Variants in LIPA observed in about 807,000 individuals in gnomAD.
LIPA encodes lipase A, lysosomal acid type.
LIPA carries 26 observed loss-of-function variants against 40.6 expected under a neutral mutation model. The ratio of observed to expected loss-of-function variants is 0.64; its 90% CI spans 0.47 to 0.89. The LOEUF is 0.89. LIPA is among the 40% of genes least tolerant of loss of function. The probability of loss-of-function intolerance (pLI) is 0.00; values close to 1 mark genes in which losing one functional copy is unlikely to be tolerated. For synonymous variants in LIPA, 188 were observed against 168.4 expected, an observed-to-expected ratio of 1.12 and a Z score of -0.90; for missense variants, 455 against 479.6, an observed-to-expected ratio of 0.95 and a Z score of 0.48.
intron 1 of LIPA, among the ~76,000 whole-genome samples, chr10:89,332,956 C>T (rs1465883914): frequency 6.6e-6 from 1 of 152,094 alleles, no homozygotes; most frequent in African/African-American, 2.4e-5. Flanking sequence ...GGTTCTGGTT[C>T]GTCTTTTGTT....
At chr10:89,260,543 C>A (rs186296664) in intron 1 of LIPA, among the ~76,000 whole-genome samples, 4 of 152,302 alleles carry the variant, frequency 2.6e-5, no homozygotes, top group Middle Eastern at 3.4e-3. Flanking sequence ...CAGGGGGCAG[C>A]AGTTCCCCAG....
rs1356849601 is a variant in LIPA, at chr10:89,352,694, C to A, written c.61+60097G>T. On this transcript the variant is annotated intron_variant, in intron 2 of 8. Transcript: ENST00000371837. ...ATGGAAGGAAAATAAATCTTGGGAC[C>A]CCCAAGTCACTAAGCCAAAGGGAAA... Among the ~76,000 whole-genome samples the A allele has an allele frequency of 3.3e-5, 5 of 151,600 alleles. No individual in the cohort carries two copies. The East Asian group carries it at 5.8e-4, about 18-fold the overall frequency.
intron 1 of LIPA, among the ~76,000 whole-genome samples, chr10:89,249,682 T>C (rs1395200091): frequency 2.0e-5 from 3 of 151,592 alleles, no homozygotes; most frequent in Non-Finnish European, 2.9e-5. Context: ...CTCCACAAAA[T>C]GCAGTCTAAT....
At chr10:89,266,951 G>A (rs1041242307) in intron 1 of LIPA, among the ~76,000 whole-genome samples, 2 of 152,260 alleles carry the variant, frequency 1.3e-5, no homozygotes, top group African/African-American at 4.8e-5. Context: ...TATTCCTGAA[G>A]TGTATCTAGT....
At chr10:89,265,458 A>G (rs2040206553) in intron 1 of LIPA, among the ~76,000 whole-genome samples, 1 of 152,240 alleles carries the variant, frequency 6.6e-6, no homozygotes, top group Non-Finnish European at 1.5e-5. Context: ...AGAATCAGTA[A>G]ACATATCCTT....
intron 1 of LIPA, among the ~76,000 whole-genome samples, chr10:89,276,468 G>A (rs757452423): frequency 1.3e-5 from 2 of 152,152 alleles, no homozygotes; most frequent in Non-Finnish European, 2.9e-5. Context: ...TACAGTATTG[G>A]TTAACTATAA....
chr10:89,400,724 T>A (rs1358769571), intron 2 of LIPA, among the ~76,000 whole-genome samples: 1 of 152,246 alleles, frequency 6.6e-6, no homozygotes, highest in Non-Finnish European at 1.5e-5. Flanking sequence ...TAATCTTACT[T>A]CTTCCTTTCC....
At chr10:89,240,795 A>T (rs921640862) in intron 3 of LIPA, among the ~76,000 whole-genome samples, 2 of 152,150 alleles carry the variant, frequency 1.3e-5, no homozygotes, top group African/African-American at 4.8e-5. Flanking sequence ...GCCCAGGAGT[A>T]GGAAATCCTT....
At chr10:89,280,674 C>G (rs145298231) in intron 1 of LIPA, among the ~76,000 whole-genome samples, 2 of 152,162 alleles carry the variant, frequency 1.3e-5, no homozygotes, top group Non-Finnish European at 2.9e-5. Context: ...ATTTATGTGT[C>G]GGTTGGAAGT....
chr10:89,370,075 C>T (rs943730146), intron 2 of LIPA, among the ~76,000 whole-genome samples: 1 of 152,208 alleles, frequency 6.6e-6, no homozygotes, highest in African/African-American at 2.4e-5. Flanking sequence ...TGATATGAAG[C>T]CACTATGCAG....
chr10:89,252,866 C>G (rs555181914), upstream of LIPA, among the ~76,000 whole-genome samples: 1 of 150,974 alleles, frequency 6.6e-6, no homozygotes, highest in African/African-American at 2.4e-5. Flanking sequence ...CAGGAAAGGA[C>G]TCTTATGAAG....
At chr10:89,372,262 C>T (rs2133597896) in intron 2 of LIPA, among the ~76,000 whole-genome samples, 1 of 152,314 alleles carries the variant, frequency 6.6e-6, no homozygotes, top group Admixed American at 6.5e-5. Context: ...CAGCCAGCAT[C>T]ATTGCACACT....
intron 1 of LIPA, chr10:89,340,240 T>A: frequency 8.7e-7 from 1 of 1,145,230 alleles, no homozygotes; most frequent in East Asian, 2.5e-5. Flanking sequence ...AAGCTTTGCA[T>A]GTTGCTCTAA....
chr10:89,357,104 G>A (rs1488863014), intron 2 of LIPA, among the ~76,000 whole-genome samples: 1 of 152,166 alleles, frequency 6.6e-6, no homozygotes, highest in Non-Finnish European at 1.5e-5. Context: ...GTTGAAAGGG[G>A]TCTGTTATGA....
At chr10:89,257,985 C>A (rs1265793268) in intron 1 of LIPA, among the ~76,000 whole-genome samples, 1 of 152,168 alleles carries the variant, frequency 6.6e-6, no homozygotes, top group African/African-American at 2.4e-5. Flanking sequence ...AAGTTACAAC[C>A]AGCCAGAGTG....
intron 1 of LIPA, among the ~76,000 whole-genome samples, chr10:89,303,638 G>A (rs1023962075): frequency 3.3e-5 from 5 of 152,192 alleles, no homozygotes; most frequent in African/African-American, 1.2e-4. Flanking sequence ...TTACCTAAGT[G>A]TGTATATTAA....
At position 89,307,062 on chromosome 10, in the gene LIPA, C is replaced by T. The variant is rs768227773; in HGVS notation, c.-2+35549G>A. Reference sequence around the variant, plus strand: ...TTCAGTAAAGAGCTTACTCCTGTAGCGAAACAACTGCTCCATCTGCGGTAT... The same window carrying T: ...TTCAGTAAAGAGCTTACTCCTGTAGTGAAACAACTGCTCCATCTGCGGTAT... On this transcript the variant is annotated intron_variant, in intron 1 of 5. Coordinates refer to the LIPA transcript ENST00000282673. 3.7e-6 allele frequency: 6 copies of T among 1,613,906 alleles called. No homozygotes were observed. Among genetic ancestry groups the T allele is most frequent in the Admixed American group, 1.7e-5 (1 of 59,994 alleles).
intron 1 of LIPA, among the ~76,000 whole-genome samples, chr10:89,287,574 C>A (rs1467136422): frequency 3.3e-5 from 5 of 152,114 alleles, no homozygotes; most frequent in Non-Finnish European, 5.9e-5. Context: ...CATATCCCCC[C>A]ACCTTAACCC....
At chr10:89,360,935 C>T (rs1429520996) in intron 2 of LIPA, among the ~76,000 whole-genome samples, 1 of 152,154 alleles carries the variant, frequency 6.6e-6, no homozygotes, top group African/African-American at 2.4e-5. Flanking sequence ...CTTGCCTCCT[C>T]TTAGGTGCCA....
Sources: allele counts gnomAD v4.1 joint callset (sites outside exome capture counted in the v4.1 genomes callset), GRCh38; gene constraint gnomAD v4.1.1; transcripts MANE v1.5; gene names NCBI Gene and HGNC (gene_info 2026-07-23, HGNC 2026-07-21).